Variants in ANKRD30BL observed in about 807,000 individuals in gnomAD.
The protein encoded by ANKRD30BL is putative ankyrin repeat domain-containing protein 30B-like.
Under a neutral mutation model 18.4 loss-of-function variants are expected in ANKRD30BL, and 20 were observed. The ratio of observed to expected loss-of-function variants is 1.09; its 90% CI spans 0.77 to 1.58. The LOEUF (loss-of-function observed/expected upper bound fraction) is 1.58, where lower values mean the gene tolerates loss of function less well. ANKRD30BL is among the 40% of genes most tolerant of loss of function. ANKRD30BL has a pLI of 0.00. For synonymous variants in ANKRD30BL, 72 were observed against 100.9 expected, an observed-to-expected ratio of 0.71 and a Z score of 1.72; for missense variants, 224 against 268.6, an observed-to-expected ratio of 0.83 and a Z score of 1.16.
chr2:132,213,452 G>A (rs1288454348), intron 1 of ANKRD30BL, among the ~76,000 whole-genome samples: 1 of 152,154 alleles, frequency 6.6e-6, no homozygotes, highest in South Asian at 2.1e-4. Context: ...GTGCTTTGAG[G>A]CATATGGTGG....
chr2:132,238,851 G>A (rs917135385), intron 1 of ANKRD30BL, among the ~76,000 whole-genome samples: 37 of 151,258 alleles, frequency 2.4e-4, no homozygotes, highest in African/African-American at 7.0e-4. Flanking sequence ...CATTCATCTC[G>A]CAGTTGAACA....
rs1200620321 is a variant in ANKRD30BL at position 132,211,215 on chromosome 2, G to A, written n.441+46314C>T. 1.6e-4 allele frequency among the ~76,000 whole-genome samples: 24 copies of A among 151,940 alleles called. 2 individuals carry two copies. The highest frequency in any genetic ancestry group is 5.8e-4 in the African/African-American group (24 of 41,484). On this transcript the variant is annotated intron_variant and non_coding_transcript_variant, in intron 1 of 4. Transcript: ENST00000470729. ...GCGCTTTGAGGCCTATGGTGGAAAA[G>A]GAAATACCTTCACATAAAAACTAGA...
intron 1 of ANKRD30BL, among the ~76,000 whole-genome samples, chr2:132,191,910 T>G (rs919290044): frequency 6.6e-6 from 1 of 151,834 alleles, no homozygotes; most frequent in Non-Finnish European, 1.5e-5. Context: ...CCTGGCTAAT[T>G]TTTTTGTATA....
chr2:132,187,187 TG>T (rs370601743), intron 1 of ANKRD30BL, among the ~76,000 whole-genome samples: 2,228 of 137,872 alleles, frequency 0.016, 44 homozygotes, highest in African/African-American at 0.023. Flanking sequence ...TTTTTTTGTT[TG>T]TTTTTTTTTT....
At chr2:132,210,144 T>C (rs953924888) in intron 1 of ANKRD30BL, among the ~76,000 whole-genome samples, 5 of 152,060 alleles carry the variant, frequency 3.3e-5, no homozygotes, top group Admixed American at 2.6e-4. Flanking sequence ...TTTTGTAGAA[T>C]CTGCAAGTGG....
chr2:132,222,858 A>G lies in ANKRD30BL; in HGVS notation n.441+34671T>C, dbSNP rs1212600832. On this transcript the variant is annotated intron_variant and non_coding_transcript_variant, in intron 1 of 4. Coordinates refer to the ANKRD30BL transcript ENST00000470729. The stretch of plus-strand genomic sequence containing the variant: ...AAAAAAAAAAAAAAAAAAAAAAAAA[A>G]AAAAAAGAAACACTGTTTTTGTAGA... Among the ~76,000 whole-genome samples, 114 of 148,048 alleles carry G rather than the reference A, an allele frequency of 7.7e-4. 1 individual carries two copies. The highest frequency in any genetic ancestry group is 1.5e-3 in the Non-Finnish European group (100 of 67,346).
At chr2:132,195,541 AGC>A (rs1208578630) in intron 1 of ANKRD30BL, among the ~76,000 whole-genome samples, 1 of 152,022 alleles carries the variant, frequency 6.6e-6, no homozygotes, top group Admixed American at 6.6e-5. Context: ...CTGTAATCCC[AGC>A]ACCTTGGGAG....
intron 1 of ANKRD30BL, among the ~76,000 whole-genome samples, chr2:132,238,535 G>A (rs1260744886): frequency 6.6e-6 from 1 of 151,886 alleles, no homozygotes; most frequent in Non-Finnish European, 1.5e-5. Context: ...TTTTCATGGA[G>A]CTGTTATGAA....
chr2:132,215,502 C>T (rs1421449057), intron 1 of ANKRD30BL, among the ~76,000 whole-genome samples: 4 of 152,248 alleles, frequency 2.6e-5, no homozygotes, highest in Admixed American at 2.0e-4. Context: ...TGGTTTGAGG[C>T]CTACAGTGGA....
At chr2:132,243,113 C>T (rs1323685550) in intron 1 of ANKRD30BL, among the ~76,000 whole-genome samples, 1 of 151,688 alleles carries the variant, frequency 6.6e-6, no homozygotes, top group African/African-American at 2.4e-5. Flanking sequence ...GCATTCAAAT[C>T]ACAGTCTTGA....
At chr2:132,228,515 T>C (rs1046362016) in intron 1 of ANKRD30BL, among the ~76,000 whole-genome samples, 4 of 151,480 alleles carry the variant, frequency 2.6e-5, no homozygotes, top group African/African-American at 9.7e-5. Context: ...TTCTTTTGAT[T>C]GAGCTGTCTT....
chr2:132,166,305 C>T (rs1688185777), upstream of ANKRD30BL, among the ~76,000 whole-genome samples: 2 of 151,810 alleles, frequency 1.3e-5, no homozygotes, highest in Non-Finnish European at 2.9e-5. Flanking sequence ...ATTTACCTCA[C>T]AGAATGAATT....
In ANKRD30BL at chr2:132,181,162, T is replaced by TA. The variant is rs112854095; in HGVS notation, n.442-24017dup. Reference sequence around the variant, plus strand: ...CCGTCTCAAAAAAAGAAAAAAGAATTAAAAAAATATTAAAATGAGGGATAA... The same window carrying TA: ...CCGTCTCAAAAAAAGAAAAAAGAATTAAAAAAAATATTAAAATGAGGGATAA... On this transcript the variant is annotated intron_variant and non_coding_transcript_variant, in intron 1 of 4. Transcript: ENST00000470729. 5.3e-3 allele frequency among the ~76,000 whole-genome samples: 806 copies of TA among 150,864 alleles called. 6 individuals are homozygous for TA. Among genetic ancestry groups the TA allele is most frequent in the African/African-American group, 0.019 (763 of 41,116 alleles).
upstream of ANKRD30BL, among the ~76,000 whole-genome samples, chr2:132,166,406 A>G (rs190093050): frequency 6.6e-6 from 1 of 151,176 alleles, no homozygotes; most frequent in East Asian, 2.0e-4. Context: ...ATTCACCACT[A>G]AAGCCATTTG....
intron 1 of ANKRD30BL, among the ~76,000 whole-genome samples, chr2:132,227,653 C>G (rs1679882977): frequency 6.6e-6 from 1 of 152,114 alleles, no homozygotes; most frequent in African/African-American, 2.4e-5. Flanking sequence ...CTGAAACACT[C>G]TTTTTGTAGA....
chr2:132,237,549 C>G (rs563136955), intron 1 of ANKRD30BL, among the ~76,000 whole-genome samples: 1 of 152,190 alleles, frequency 6.6e-6, no homozygotes, highest in Admixed American at 6.6e-5. Context: ...ATTGGAAACA[C>G]TCTTTTTGTA....
intron 1 of ANKRD30BL, among the ~76,000 whole-genome samples, chr2:132,200,589 G>T (rs1245841387): frequency 6.6e-6 from 1 of 152,164 alleles, no homozygotes; most frequent in Non-Finnish European, 1.5e-5. Context: ...ACTTACAAGG[G>T]ATGTGAAGTA....
Position 132,157,124 on chromosome 2 carries a change from G to A in ANKRD30BL, c.356C>T (p.Ala119Val), listed in dbSNP as rs1455165359. The part of the protein sequence containing the change: ...LMKALQCQRE[A>V]CANILIDSGA... ...AGAATCTATGAGAATATTTGCACAA[G>A]CCTCCCTCTGGCATTGCAGAGCCTG... Residue 119 changes from alanine (A) to valine (V), a missense_variant, in exon 3 of 6, where the codon GCT (alanine) becomes GTT (valine). This residue lies in a region of ANKRD30BL where 30 missense variants were observed against 77.5 expected (regional missense o/e 0.39). Transcript: ENST00000409867. 8 of 1,441,868 alleles carry A rather than the reference G, an allele frequency of 5.5e-6. No individual in the cohort carries two copies. Among genetic ancestry groups the A allele is most frequent in the Non-Finnish European group, 6.6e-6 (7 of 1,054,562 alleles). 89.3% of individuals were successfully genotyped at this position (1,441,868 alleles called of 1,614,324 possible).
chr2:132,190,223 T>C (rs939706918), intron 1 of ANKRD30BL, among the ~76,000 whole-genome samples: 6 of 152,136 alleles, frequency 3.9e-5, no homozygotes, highest in African/African-American at 1.4e-4. Context: ...ACATTTTACA[T>C]AAGAACTCCT....
Sources: gnomAD v4.1 joint callset for allele counts (sites outside exome capture counted in the v4.1 genomes callset) on GRCh38, gnomAD v4.1.1 for gene constraint, gnomAD v4.1.1 regional missense constraint, MANE v1.5 for transcripts, NCBI Gene and HGNC (gene_info 2026-07-23, HGNC 2026-07-21) for gene names.